HMG20A: variants seen among roughly 807,000 people sequenced by gnomAD.
HMG20A encodes high mobility group protein 20A.
Under a neutral mutation model 43.9 loss-of-function variants are expected in HMG20A, and 17 were observed. The ratio of observed to expected loss-of-function variants is 0.39; its 90% CI spans 0.27 to 0.58. The LOEUF (loss-of-function observed/expected upper bound fraction) is 0.58. HMG20A is among the 20% of genes least tolerant of loss of function. The pLI is 0.59. For missense variants in HMG20A, 341 were observed against 438.2 expected (o/e 0.78, Z 1.98); for synonymous variants, 132 against 147.5 (o/e 0.89, Z 0.76).
At chr15:77,505,113 G>A in the HMG20A span, among the ~76,000 whole-genome samples, 307 of 152,276 alleles carry the variant, frequency 2.0e-3, 1 homozygote, top group African/African-American at 7.3e-3. Context: ...TGAGGCCTTG[G>A]TTTCCCCCAT....
intron 4 of HMG20A, among the ~76,000 whole-genome samples, chr15:77,469,287 G>A (rs2072785490): frequency 8.5e-6 from 1 of 117,092 alleles, no homozygotes; most frequent in Non-Finnish European, 2.0e-5. Flanking sequence ...CCTAGATTTA[G>A]CATCCATTGA....
chr15:77,519,512 A>T, the HMG20A span, among the ~76,000 whole-genome samples: 1 of 152,174 alleles, frequency 6.6e-6, no homozygotes, highest in East Asian at 1.9e-4. Flanking sequence ...TCGAGTCCTG[A>T]AGGCTCTGCC....
At position 77,479,203 on chromosome 15, in the gene HMG20A, A is replaced by G. The variant is rs764613855; in HGVS notation, c.932A>G (p.Asp311Gly). ...GGAAGTGGAGAGACACCTACAGTGGACACCATTGACTCATATATGAACAGA... is the reference window on the plus strand; with the variant it reads ...GGAAGTGGAGAGACACCTACAGTGGGCACCATTGACTCATATATGAACAGA... ...LPGSGETPTVDTIDSYMNRLH... is the reference protein window; with the variant it reads ...LPGSGETPTVGTIDSYMNRLH... The change falls in exon 9 of 10, where the codon GAC (aspartate) becomes GGC (glycine). Residue 311 changes from aspartate (D) to glycine (G), a missense_variant. Asp to Gly is a moderately conservative substitution (Grantham distance 94). Around this residue, in one of 3 missense-constraint regions of HMG20A, gnomAD observed 118 missense variants for 154.5 expected, o/e 0.76. Coordinates refer to ENST00000336216, the MANE Select transcript of HMG20A (RefSeq NM_001304504.2). 7.4e-6 allele frequency: 12 copies of G among 1,613,742 alleles called. No homozygotes were observed. In the African/African-American group the frequency reaches 1.6e-4, roughly 22 times the overall value.
the HMG20A span, among the ~76,000 whole-genome samples, chr15:77,514,666 C>A: frequency 1.3e-5 from 2 of 151,984 alleles, no homozygotes; most frequent in African/African-American, 4.8e-5. Context: ...TGATACTAGA[C>A]CTTTGTGGAA....
the HMG20A span, among the ~76,000 whole-genome samples, chr15:77,516,001 T>G: frequency 6.6e-6 from 1 of 152,146 alleles, no homozygotes; most frequent in East Asian, 1.9e-4. Flanking sequence ...GTTGCAGATG[T>G]GGAGTTGGGC....
At chr15:77,476,140 T>C (rs115813730) in intron 6 of HMG20A, among the ~76,000 whole-genome samples, 3,446 of 152,238 alleles carry the variant, frequency 0.023, 108 homozygotes, top group African/African-American at 0.072. Flanking sequence ...TGTGAACTGC[T>C]TAGCTTTTCT....
At chr15:77,467,554 C>T (rs3784788) in intron 4 of HMG20A, among the ~76,000 whole-genome samples, 34,840 of 151,972 alleles carry the variant, frequency 0.23, 4,286 homozygotes, top group Middle Eastern at 0.3. Context: ...ACTTTTTATA[C>T]GCTGAGTTCA....
At chr15:77,500,581 A>ATCCAGCT in the HMG20A span, among the ~76,000 whole-genome samples, 3 of 135,256 alleles carry the variant, frequency 2.2e-5, no homozygotes, top group Non-Finnish European at 4.8e-5. Context: ...TTTTTTTGAG[A>ATCCAGCT]CAAAGTCCAG....
chr15:77,479,237 T>C lies in HMG20A; in HGVS notation c.966T>C (p.Ser322=), dbSNP rs1327581221. 2 of 1,613,880 alleles carry C rather than the reference T, an allele frequency of 1.2e-6. No individual in the cohort carries two copies. The highest frequency in any genetic ancestry group is 4.5e-5 in the East Asian group (2 of 44,870). Reference sequence around the variant, plus strand: ...ACTCATATATGAACAGACTGCACAGTATTATTTTAGCTAATCCCCAAGACA... The same window carrying C: ...ACTCATATATGAACAGACTGCACAGCATTATTTTAGCTAATCCCCAAGACA... ...TIDSYMNRLH[S]IILANPQDNE... is the part of the protein sequence containing the mutation. The change falls in exon 9 of 10, where the codon AGT becomes AGC. Residue 322 remains serine, a synonymous_variant. Coordinates refer to ENST00000336216, the MANE Select transcript of HMG20A (RefSeq NM_001304504.2).
the HMG20A span, among the ~76,000 whole-genome samples, chr15:77,510,917 T>C: frequency 1.1e-4 from 16 of 152,334 alleles, no homozygotes; most frequent in East Asian, 3.1e-3. Flanking sequence ...GCCCTGTACT[T>C]GCTTGCTTCC....
At chr15:77,505,283 A>G in the HMG20A span, among the ~76,000 whole-genome samples, 1 of 152,216 alleles carries the variant, frequency 6.6e-6, no homozygotes. Context: ...AGAGATTTCC[A>G]GGTTCGAGGT....
chr15:77,488,432 A>C (rs1369926030), downstream of HMG20A, among the ~76,000 whole-genome samples: 1 of 152,234 alleles, frequency 6.6e-6, no homozygotes, highest in Non-Finnish European at 1.5e-5. Context: ...TTGTATTAAT[A>C]GTTTTAATAG....
At chr15:77,470,766 GT>G (rs1205313307) in intron 4 of HMG20A, 143 bp from the exon 5 acceptor site, 1 of 623,642 alleles carries the variant, frequency 1.6e-6, no homozygotes, top group East Asian at 3.3e-5. Context: ...TACAACTCTT[GT>G]TTTTCTGATT....
the HMG20A span, among the ~76,000 whole-genome samples, chr15:77,511,113 C>T: frequency 1.8e-4 from 28 of 151,904 alleles, no homozygotes; most frequent in African/African-American, 3.1e-4. Flanking sequence ...AAATATAGCG[C>T]GAAGAGTGGG....
intron 1 of HMG20A, among the ~76,000 whole-genome samples, chr15:77,432,364 C>G (rs2073494364): frequency 6.6e-6 from 1 of 151,872 alleles, no homozygotes. Flanking sequence ...AAAAGAACAG[C>G]AAATTAAACC....
the HMG20A span, among the ~76,000 whole-genome samples, chr15:77,511,766 GTGA>G: frequency 1.3e-5 from 2 of 152,298 alleles, no homozygotes; most frequent in East Asian, 1.9e-4. Context: ...ATAAGCATGG[GTGA>G]TGATGTGAGA....
chr15:77,432,290 T>C (rs2073493460), intron 1 of HMG20A, among the ~76,000 whole-genome samples: 1 of 152,188 alleles, frequency 6.6e-6, no homozygotes, highest in Admixed American at 6.5e-5. Flanking sequence ...TTTATAGCCT[T>C]AAATGCATAT....
intron 1 of HMG20A, among the ~76,000 whole-genome samples, chr15:77,423,848 A>G (rs1319104074): frequency 4.6e-5 from 7 of 152,184 alleles, no homozygotes; most frequent in African/African-American, 1.7e-4. Context: ...TAAAGAAAGT[A>G]TCTTAAGAAC....
At chr15:77,468,694 G>A (rs79732034) in intron 4 of HMG20A, among the ~76,000 whole-genome samples, 1,523 of 151,606 alleles carry the variant, frequency 0.01, 30 homozygotes, top group African/African-American at 0.035. Flanking sequence ...TATATACATT[G>A]TAGCCCTTTA....
Sources: gnomAD v4.1 joint callset for allele counts (sites outside exome capture counted in the v4.1 genomes callset) on GRCh38, gnomAD v4.1.1 for gene constraint, gnomAD v4.1.1 regional missense constraint, MANE v1.5 for transcripts, NCBI Gene and HGNC (gene_info 2026-07-23, HGNC 2026-07-21) for gene names.